DNAH12: variants seen among roughly 807,000 people sequenced by gnomAD.
DNAH12 encodes axonemal beta dynein heavy chain 12.
A neutral mutation model predicts 371.5 loss-of-function variants in DNAH12; 285 were observed. The ratio of observed to expected loss-of-function variants is 0.77; its 90% CI spans 0.70 to 0.85. The LOEUF is 0.85. Among genes scored for constraint, DNAH12 ranks in the 40% least tolerant of loss-of-function variants. The pLI, the probability that DNAH12 is intolerant of heterozygous loss-of-function variation, is 0.00. For synonymous variants in DNAH12, 1,200 were observed against 1,213.0 expected, an observed-to-expected ratio of 0.99 and a Z score of 0.22; for missense variants, 3,611 against 3,689.4, an observed-to-expected ratio of 0.98 and a Z score of 0.55.
chr3:57,454,704 T>G, intron 23 of DNAH12, 71 bp downstream of exon 23: 1 of 1,521,968 alleles, frequency 6.6e-7, no homozygotes, highest in Non-Finnish European at 8.8e-7. Context: ...ATCTCATTTC[T>G]AAAAATAATA....
In DNAH12 at chr3:57,487,072, C is replaced by T. The variant is rs933394917; in HGVS notation, c.1514+2437G>A. ...CTTGGCATACTTTAGGAATGGCAAA[C>T]GAAGTTGAAGTGGTGAGCAGGAATC... is the stretch of plus-strand genomic sequence containing the variant. On this transcript the variant is annotated intron_variant, in intron 12 of 73. Coordinates refer to ENST00000495027, the MANE Select transcript of DNAH12 (RefSeq NM_001366028.2). Among the ~76,000 whole-genome samples, 7 of 151,892 alleles carry T rather than the reference C, an allele frequency of 4.6e-5. No individual in the cohort carries two copies. The East Asian group carries it at 5.8e-4, about 13-fold the overall frequency.
At chr3:57,464,225 G>A (rs1297837633) in intron 17 of DNAH12, among the ~76,000 whole-genome samples, 1 of 152,006 alleles carries the variant, frequency 6.6e-6, no homozygotes, top group Non-Finnish European at 1.5e-5. Flanking sequence ...ACAAAGGGAG[G>A]AAGTGGCACT....
Position 57,446,028 on chromosome 3 carries a change from T to TA in DNAH12, c.4179+2dup. 6.7e-7 allele frequency: 1 copy of TA among 1,484,902 alleles called. No homozygotes were observed. The highest frequency in any genetic ancestry group is 9.0e-7 in the Non-Finnish European group (1 of 1,114,792). 92.0% of individuals were successfully genotyped at this position (1,484,902 alleles called of 1,614,324 possible). A position where few individuals can be genotyped will look rare whatever the true frequency, so the allele number is the denominator to read the frequency against. On this transcript the variant is annotated splice_region_variant and intron_variant, in intron 27 of 73. Transcript: ENST00000495027. The stretch of plus-strand genomic sequence containing the variant: ...AAATAAATAAATAAATAAATAATAT[T>TA]ACCTTAAGATTGTCCGGCAATTCAG...
At chr3:57,332,601 A>G (rs191652304) in intron 62 of DNAH12, among the ~76,000 whole-genome samples, 1 of 152,218 alleles carries the variant, frequency 6.6e-6, no homozygotes, top group East Asian at 1.9e-4. Flanking sequence ...TGAGTTGCAA[A>G]AACAAGAAAA....
chr3:57,514,598 TG>T lies in DNAH12; in HGVS notation c.280-3620del, dbSNP rs1043835580. Among the ~76,000 whole-genome samples, 70 of 151,976 alleles carry T rather than the reference TG, an allele frequency of 4.6e-4. 3 individuals are homozygous for T. Among genetic ancestry groups the T allele is most frequent in the Middle Eastern group, 6.8e-3 (2 of 294 alleles). On this transcript the variant is annotated intron_variant, in intron 4 of 73. Coordinates refer to ENST00000495027, the MANE Select transcript of DNAH12 (RefSeq NM_001366028.2). Reference sequence around the variant, plus strand: ...AAAGTATGGGGGCATGGGAACAGGGTGGAAGGGATGGGAGATGCTTCTCTGA... The same window carrying T: ...AAAGTATGGGGGCATGGGAACAGGGTGAAGGGATGGGAGATGCTTCTCTGA...
At chr3:57,463,064 C>T (rs1203991520) in intron 17 of DNAH12, among the ~76,000 whole-genome samples, 189 bp from the exon 18 acceptor site, 1 of 151,716 alleles carries the variant, frequency 6.6e-6, no homozygotes, top group Non-Finnish European at 1.5e-5. Flanking sequence ...CCTAAAGTTC[C>T]CTGCAAAAAT....
chr3:57,462,988 A>G (rs2066100919), intron 17 of DNAH12, 113 bp from the exon 18 acceptor site: 1 of 696,826 alleles, frequency 1.4e-6, no homozygotes, highest in Non-Finnish European at 2.3e-6. Flanking sequence ...TTTATTTAAT[A>G]TATTTCTATC....
intron 66 of DNAH12, among the ~76,000 whole-genome samples, chr3:57,312,004 C>A (rs547855608): frequency 6.6e-6 from 1 of 152,294 alleles, no homozygotes; most frequent in South Asian, 2.1e-4. Flanking sequence ...GAATTTATTT[C>A]TTCCAGTTCC....
chr3:57,447,235 T>C (rs1575611816), intron 25 of DNAH12, among the ~76,000 whole-genome samples: 1 of 152,246 alleles, frequency 6.6e-6, no homozygotes, highest in East Asian at 1.9e-4. Flanking sequence ...TATCACTTTC[T>C]ACCTTGTATT....
chr3:57,444,275 T>A (rs1394020261), intron 29 of DNAH12, among the ~76,000 whole-genome samples: 1 of 151,948 alleles, frequency 6.6e-6, no homozygotes, highest in East Asian at 1.9e-4. Flanking sequence ...TTACTTTTTT[T>A]AATTTTTATT....
At chr3:57,407,903 A>C (rs1360765797) in intron 40 of DNAH12, among the ~76,000 whole-genome samples, 3 of 152,196 alleles carry the variant, frequency 2.0e-5, no homozygotes, top group Non-Finnish European at 4.4e-5. Flanking sequence ...ATGGGAGGGA[A>C]GATAGAGAGA....
intron 11 of DNAH12, among the ~76,000 whole-genome samples, chr3:57,493,317 A>G (rs1559717720): frequency 6.6e-6 from 1 of 152,218 alleles, no homozygotes; most frequent in Non-Finnish European, 1.5e-5. Flanking sequence ...ATAAAAGACA[A>G]TACAGTATAA....
chr3:57,429,458 G>C (rs2064888191), intron 33 of DNAH12, among the ~76,000 whole-genome samples: 1 of 152,166 alleles, frequency 6.6e-6, no homozygotes, highest in Non-Finnish European at 1.5e-5. Flanking sequence ...TTACAGGCGT[G>C]AGCCACCGTG....
intron 4 of DNAH12, among the ~76,000 whole-genome samples, chr3:57,511,275 T>C (rs2067988365): frequency 6.6e-6 from 1 of 152,162 alleles, no homozygotes; most frequent in Admixed American, 6.5e-5. Context: ...TAACTTATTA[T>C]TATAATATAT....
At chr3:57,336,944 C>T (rs1247986633) in intron 60 of DNAH12, among the ~76,000 whole-genome samples, 1 of 152,068 alleles carries the variant, frequency 6.6e-6, no homozygotes, top group East Asian at 1.9e-4. Flanking sequence ...TTAAATCCCC[C>T]AATTAAAATA....
intron 25 of DNAH12, among the ~76,000 whole-genome samples, chr3:57,448,372 G>A (rs1248816360): frequency 1.3e-5 from 2 of 151,910 alleles, no homozygotes; most frequent in African/African-American, 2.4e-5. Context: ...GTGGGCTCGT[G>A]CTCTCACTGG....
chr3:57,429,683 G>T lies in DNAH12; in HGVS notation c.5064+8C>A. 6.6e-7 allele frequency: 1 copy of T among 1,524,450 alleles called. No individual in the cohort carries two copies. The allele number at this position is 1,524,450 out of a possible 1,614,324, so 94.4% of individuals were successfully genotyped here. The stretch of plus-strand genomic sequence containing the variant: ...ACAAACCACCATTGTATTAAATTAT[G>T]AACTTACGGATGCCTGGGAAAGGTC... On this transcript the variant is annotated splice_region_variant and intron_variant, in intron 33 of 73. Coordinates refer to ENST00000495027, the MANE Select transcript of DNAH12 (RefSeq NM_001366028.2).
chr3:57,458,343 G>T, intron 20 of DNAH12, 123 bp from the exon 21 acceptor site: 2 of 1,242,166 alleles, frequency 1.6e-6, no homozygotes, highest in Non-Finnish European at 1.0e-6. Context: ...AAATGTCAAA[G>T]GTTTATAAAA....
intron 2 of DNAH12, among the ~76,000 whole-genome samples, chr3:57,531,767 CAAAAAAAA>C (rs35142998): frequency 1.2e-4 from 6 of 50,274 alleles, no homozygotes; most frequent in African/African-American, 3.5e-4. Context: ...CACTCCATCT[CAAAAAAAA>C]AAAAAAAAAA....
Sources: gnomAD v4.1 joint callset for allele counts (sites outside exome capture counted in the v4.1 genomes callset) on GRCh38, gnomAD v4.1.1 for gene constraint, MANE v1.5 for transcripts, NCBI Gene and HGNC (gene_info 2026-07-23, HGNC 2026-07-21) for gene names.